RPL38: variants seen among roughly 807,000 people sequenced by gnomAD.
RPL38 encodes ribosomal protein L38.
A neutral mutation model predicts 12.8 loss-of-function variants in RPL38; 2 were observed. That is an observed-to-expected ratio of 0.16 (90% CI 0.06 to 0.49). The LOEUF is 0.49. RPL38 is among the 20% of genes least tolerant of loss of function. The pLI, the probability that RPL38 is intolerant of heterozygous loss-of-function variation, is 0.96. For missense variants in RPL38, 52 were observed against 79.8 expected (o/e 0.65, Z 1.33); for synonymous variants, 42 against 30.1 (o/e 1.39, Z -1.29).
At chr17:74,204,585 T>A in intron 3 of RPL38, 1 of 271,166 alleles carries the variant, frequency 3.7e-6, no homozygotes, top group South Asian at 4.1e-5. Context: ...GCTGGATATT[T>A]GCATGTAATG....
intron 1 of RPL38, 39 bp from the exon 2 acceptor site, chr17:74,203,879 C>G: frequency 6.6e-7 from 1 of 1,516,184 alleles, no homozygotes; most frequent in Non-Finnish European, 8.9e-7. Context: ...TCGCTGCCAG[C>G]CCCCGCGCCG....
chr17:74,205,986 C>G (rs1043264699), intron 3 of RPL38: 1 of 152,130 alleles, frequency 6.6e-6, no homozygotes, highest in Non-Finnish European at 1.5e-5. Flanking sequence ...TCTCACTGCA[C>G]TCCAGCCTGG....
intron 3 of RPL38, chr17:74,206,178 C>G (rs2050111850): frequency 6.6e-6 from 1 of 152,026 alleles, no homozygotes; most frequent in African/African-American, 2.4e-5. Context: ...TAAAAGTTAC[C>G]ATTTACACTG....
intron 2 of RPL38, 77 bp from the exon 3 acceptor site, chr17:74,204,053 G>C: frequency 6.2e-7 from 1 of 1,612,024 alleles, no homozygotes; most frequent in Non-Finnish European, 8.5e-7. Context: ...CTGAGGCCGG[G>C]AGAAGCTGGT....
Position 74,209,227 on chromosome 17 carries a change from A to G in RPL38, c.105A>G (p.Lys35=). The G allele has an allele frequency of 6.2e-7, 1 of 1,614,046 alleles. No individual in the cohort carries two copies. Among genetic ancestry groups the G allele is most frequent in the Non-Finnish European group, 8.5e-7 (1 of 1,179,948 alleles). Residue 35 remains lysine, a synonymous_variant, in exon 4 of 5, where the codon AAA becomes AAG. Coordinates refer to ENST00000311111, the MANE Select transcript of RPL38 (RefSeq NM_000999.4). ...AAAATAAGGACAACGTGAAGTTTAAAGTTCGATGCAGCAGATACCTTTACA... is the reference window on the plus strand; with the variant it reads ...AAAATAAGGACAACGTGAAGTTTAAGGTTCGATGCAGCAGATACCTTTACA... ...IKKNKDNVKF[K]VRCSRYLYTL... is the part of the protein sequence containing the mutation.
chr17:74,204,371 CCCTGGAATT>C (rs1296199571), intron 3 of RPL38, 181 bp downstream of exon 3: 1 of 607,426 alleles, frequency 1.6e-6, no homozygotes. Flanking sequence ...CACGTTGAGG[CCCTGGAATT>C]TCTAGGACCA....
At chr17:74,204,716 T>TA (rs1204527113) in intron 3 of RPL38, 1 of 152,864 alleles carries the variant, frequency 6.5e-6, no homozygotes, top group Admixed American at 6.5e-5. Flanking sequence ...ATTTTTTTTT[T>TA]TCTTTGAGAC....
At chr17:74,206,708 CTTTTTTTTTTTT>C (rs35333460) in intron 3 of RPL38, among the ~76,000 whole-genome samples, 3 of 101,590 alleles carry the variant, frequency 3.0e-5, no homozygotes, top group South Asian at 3.1e-4. Flanking sequence ...TTTTTTCTTT[CTTTTTTTTTTTT>C]TTTTTTTTTT....
At chr17:74,206,947 AC>A (rs2050120911) in intron 3 of RPL38, among the ~76,000 whole-genome samples, 1 of 149,780 alleles carries the variant, frequency 6.7e-6, no homozygotes, top group Non-Finnish European at 1.5e-5. Flanking sequence ...CTATCTCCTG[AC>A]CTCATGATCC....
intron 3 of RPL38, among the ~76,000 whole-genome samples, chr17:74,206,715 T>TC (rs1472910183): frequency 7.4e-6 from 1 of 134,740 alleles, no homozygotes; most frequent in East Asian, 2.0e-4. Flanking sequence ...TTTCTTTTTT[T>TC]TTTTTTTTTT....
intron 3 of RPL38, 167 bp downstream of exon 3, chr17:74,204,357 G>A (rs770520801): frequency 8.0e-6 from 5 of 628,382 alleles, no homozygotes; most frequent in Middle Eastern, 3.0e-4. Flanking sequence ...AGACCTGTGG[G>A]GGGCACGTTG....
intron 3 of RPL38, among the ~76,000 whole-genome samples, chr17:74,206,963 G>A (rs1598205849): frequency 2.0e-5 from 3 of 151,462 alleles, no homozygotes; most frequent in South Asian, 4.2e-4. Flanking sequence ...TGATCCACCT[G>A]CCTTGGCCTC....
chr17:74,204,901 T>G (rs1299968135), intron 3 of RPL38: 1 of 152,134 alleles, frequency 6.6e-6, no homozygotes, highest in African/African-American at 2.4e-5. Flanking sequence ...GCCAGGCTGG[T>G]CTCGAACTCC....
At chr17:74,204,376 G>C in intron 3 of RPL38, 186 bp downstream of exon 3, 1 of 600,890 alleles carries the variant, frequency 1.7e-6, no homozygotes, top group Non-Finnish European at 3.0e-6. Flanking sequence ...TGAGGCCCTG[G>C]AATTTCTAGG....
chr17:74,204,048 G>A lies in RPL38; in HGVS notation c.4-82G>A, dbSNP rs1403900106. ...GAGAGCCTCCCAAGGATCTCCTGAG[G>A]CCGGGAGAAGCTGGTGGACTGGGCC... On this transcript the variant is annotated intron_variant, in intron 2 of 4. Transcript: ENST00000311111. The A allele has an allele frequency of 1.2e-6, 2 of 1,609,476 alleles. 1 individual carries two copies. Among genetic ancestry groups the A allele is most frequent in the East Asian group, 4.5e-5 (2 of 44,856 alleles).
chr17:74,208,901 A>G (rs1322151664), intron 3 of RPL38, among the ~76,000 whole-genome samples: 3 of 152,218 alleles, frequency 2.0e-5, no homozygotes, highest in East Asian at 3.9e-4. Context: ...GCGCCACTAC[A>G]CTCCAGCCTG....
At chr17:74,209,686 T>C in intron 4 of RPL38, 118 bp from the exon 5 acceptor site, 1 of 860,540 alleles carries the variant, frequency 1.2e-6, no homozygotes, top group Non-Finnish European at 1.9e-6. Flanking sequence ...GAAACTTCGC[T>C]GGTGGATCTA....
In RPL38 at chr17:74,210,102, C is replaced by T. The variant is rs770632119; in HGVS notation, c.*273C>T. Reference sequence around the variant, plus strand: ...TCCTGGGTTCAAGCGACTGTCCTGCCTCAGCCTCCCGAGTGGCTGGGATTA... The same window carrying T: ...TCCTGGGTTCAAGCGACTGTCCTGCTTCAGCCTCCCGAGTGGCTGGGATTA... On this transcript the variant is annotated 3_prime_UTR_variant, in exon 5 of 5. Coordinates refer to ENST00000311111, the MANE Select transcript of RPL38 (RefSeq NM_000999.4). 2 of 358,352 alleles carry T rather than the reference C, an allele frequency of 5.6e-6. No individual in the cohort carries two copies. The highest frequency in any genetic ancestry group is 9.2e-5 in the Admixed American group (2 of 21,786). 22.2% of individuals were successfully genotyped at this position (358,352 alleles called of 1,614,324 possible). A position where few individuals can be genotyped will look rare whatever the true frequency, so the allele number is the denominator to read the frequency against.
intron 3 of RPL38, among the ~76,000 whole-genome samples, chr17:74,206,708 C>CTTTTTTTTTTTTTTTTTTTT (rs35333460): frequency 3.9e-5 from 4 of 101,590 alleles, no homozygotes; most frequent in African/African-American, 1.2e-4. Context: ...TTTTTTCTTT[C>CTTTTTTTTTTTTTTTTTTTT]TTTTTTTTTT....
Sources: gnomAD v4.1 joint callset for allele counts (sites outside exome capture counted in the v4.1 genomes callset) on GRCh38, gnomAD v4.1.1 for gene constraint, MANE v1.5 for transcripts, NCBI Gene and HGNC (gene_info 2026-07-23, HGNC 2026-07-21) for gene names.